TEX30: variants seen among roughly 807,000 people sequenced by gnomAD.
TEX30 encodes testis-expressed protein 30.
In TEX30, 14 loss-of-function variants were observed where a neutral mutation model predicts 23.8. The observed-to-expected ratio is 0.59, with a 90% CI of 0.39 to 0.92. The LOEUF (loss-of-function observed/expected upper bound fraction) is 0.92. TEX30 is among the 40% of genes least tolerant of loss of function. The probability of loss-of-function intolerance (pLI) is 0.00; values close to 1 mark genes in which losing one functional copy is unlikely to be tolerated. For synonymous variants in TEX30, 78 were observed against 90.2 expected (o/e 0.87, Z 0.76); for missense variants, 246 against 270.6 (o/e 0.91, Z 0.64).
intron 5 of TEX30, 58 bp from the exon 6 acceptor site, chr13:102,766,638 T>C (rs761987530): frequency 5.8e-5 from 88 of 1,510,676 alleles, no homozygotes; most frequent in Non-Finnish European, 7.8e-5. Flanking sequence ...TAATAAAAGG[T>C]CCTCTCTCCC....
At position 102,769,924 on chromosome 13, in the gene TEX30, T is replaced by C. The variant is rs562316648; in HGVS notation, c.15+88A>G. 1.7e-5 allele frequency: 20 copies of C among 1,191,438 alleles called. No individual in the cohort carries two copies. In the African/African-American group the frequency reaches 1.9e-4, roughly 11 times the overall value. 73.8% of individuals were successfully genotyped at this position (1,191,438 alleles called of 1,614,324 possible). A position where few individuals can be genotyped will look rare whatever the true frequency, so the allele number is the denominator to read the frequency against. The stretch of plus-strand genomic sequence containing the variant: ...GCTATACTGCCTCCCACAGTGAAAG[T>C]TGAAAATAAAATTACTCTGAAGCCA... On this transcript the variant is annotated intron_variant, in intron 2 of 5. Transcript: ENST00000376032.
At chr13:102,773,491 G>A (rs979222446) in intron 1 of TEX30, 191 bp downstream of exon 1, 1 of 152,192 alleles carries the variant, frequency 6.6e-6, no homozygotes, top group Admixed American at 6.5e-5. Flanking sequence ...CCGGCAAAGC[G>A]GACGAAGCCC....
At chr13:102,773,526 C>G (rs1157246214) in intron 1 of TEX30, 156 bp downstream of exon 1, 2 of 152,120 alleles carry the variant, frequency 1.3e-5, no homozygotes, top group Non-Finnish European at 2.9e-5. Context: ...CCGCGGGCAC[C>G]GAACTTAGCG....
chr13:102,771,948 T>C (rs1179949835), intron 1 of TEX30, among the ~76,000 whole-genome samples: 2 of 152,200 alleles, frequency 1.3e-5, no homozygotes, highest in African/African-American at 4.8e-5. Context: ...GATTCTGTGG[T>C]TAATACAGGG....
chr13:102,767,342 A>T lies in TEX30; in HGVS notation c.435T>A (p.Asp145Glu). ...HHPKQQHKLR[D>E]EDLFRLKEPV... The stretch of plus-strand genomic sequence containing the variant: ...GCTCTTTTAAACGAAAGAGGTCTTC[A>T]TCTCTGAGTTTATGCTGCTGCTTTG... Residue 145 changes from aspartate to glutamate, a missense_variant, in exon 5 of 6, where the codon GAT becomes GAA. Transcript: ENST00000376032. 1 of 1,614,136 alleles carries T rather than the reference A, an allele frequency of 6.2e-7. No individual in the cohort carries two copies. The highest frequency in any genetic ancestry group is 8.5e-7 in the Non-Finnish European group (1 of 1,180,022).
intron 5 of TEX30, 97 bp downstream of exon 5, chr13:102,767,176 A>T (rs1033441588): frequency 2.3e-6 from 3 of 1,283,278 alleles, no homozygotes; most frequent in Non-Finnish European, 3.2e-6. Flanking sequence ...TCAAATTAGC[A>T]ATTTTTAAAA....
At chr13:102,770,163 A>G in intron 1 of TEX30, 77 bp from the exon 2 acceptor site, 1 of 469,332 alleles carries the variant, frequency 2.1e-6, no homozygotes, top group Non-Finnish European at 3.5e-6. Context: ...GAACACATTC[A>G]GTAGCTAAAA....
At position 102,766,364 on chromosome 13, in the gene TEX30, T is replaced by G; in HGVS notation, c.*37A>C. 6.5e-7 allele frequency: 1 copy of G among 1,543,540 alleles called. No individual in the cohort carries two copies. Among genetic ancestry groups the G allele is most frequent in the Non-Finnish European group, 8.9e-7 (1 of 1,127,100 alleles). ...GAGAGGCATACTCTTCTTTATCAAA[T>G]TAACTGTATGTGTACTCAAGATAAC... On this transcript the variant is annotated 3_prime_UTR_variant, in exon 6 of 6. Coordinates refer to ENST00000376032, the MANE Select transcript of TEX30 (RefSeq NM_138779.5).
rs1876851570 is a variant in TEX30 at position 102,766,137 on chromosome 13, T to C, written c.*264A>G. On this transcript the variant is annotated 3_prime_UTR_variant, in exon 6 of 6. Coordinates refer to ENST00000376032, the MANE Select transcript of TEX30 (RefSeq NM_138779.5). Reference sequence around the variant, plus strand: ...TTTGTAACAAAATTCAGATGTTTAATTTTTTTCAAAACTTAACTATACTAA... The same window carrying C: ...TTTGTAACAAAATTCAGATGTTTAACTTTTTTCAAAACTTAACTATACTAA... 1 of 227,014 alleles carries C rather than the reference T, an allele frequency of 4.4e-6. No homozygotes were observed. The highest frequency in any genetic ancestry group is 8.5e-6 in the Non-Finnish European group (1 of 118,000). 14.1% of individuals were successfully genotyped at this position (227,014 alleles called of 1,614,324 possible).
intron 1 of TEX30, among the ~76,000 whole-genome samples, chr13:102,771,784 G>A (rs1401487586): frequency 6.6e-6 from 1 of 152,202 alleles, no homozygotes; most frequent in Non-Finnish European, 1.5e-5. Context: ...CACCCAACAG[G>A]TGAAATGGGG....
chr13:102,772,701 G>A lies in TEX30; in HGVS notation c.-61+981C>T, dbSNP rs1241231897. ...AGAGATTCTCCAGCCTCAGCCTCCC[G>A]AGTAGCTGAGATTACAGGCGTCCGC... On this transcript the variant is annotated intron_variant, in intron 1 of 5. Transcript: ENST00000376032. Among the ~76,000 whole-genome samples, 6 of 152,256 alleles carry A rather than the reference G, an allele frequency of 3.9e-5. No homozygotes were observed. In the South Asian group the frequency reaches 6.2e-4, roughly 16 times the overall value.
rs1454592058 is a variant in TEX30 at position 102,766,215 on chromosome 13, C to A, written c.*186G>T. 2.3e-6 allele frequency: 1 copy of A among 431,042 alleles called. No homozygotes were observed. The highest frequency in any genetic ancestry group is 4.0e-6 in the Non-Finnish European group (1 of 248,362). The allele number at this position is 431,042 out of a possible 1,614,324, so 26.7% of individuals were successfully genotyped here. Reference sequence around the variant, plus strand: ...TCAATATTTTTACATCATCTTTATACAACTGTAACAGTGCTTTCAAAAGAC... The same window carrying A: ...TCAATATTTTTACATCATCTTTATAAAACTGTAACAGTGCTTTCAAAAGAC... On this transcript the variant is annotated 3_prime_UTR_variant, in exon 6 of 6. Coordinates refer to ENST00000376032, the MANE Select transcript of TEX30 (RefSeq NM_138779.5).
At position 102,766,363 on chromosome 13, in the gene TEX30, A is replaced by G. The variant is rs1256093559; in HGVS notation, c.*38T>C. On this transcript the variant is annotated 3_prime_UTR_variant, in exon 6 of 6. Coordinates refer to ENST00000376032, the MANE Select transcript of TEX30 (RefSeq NM_138779.5). Reference sequence around the variant, plus strand: ...TGAGAGGCATACTCTTCTTTATCAAATTAACTGTATGTGTACTCAAGATAA... The same window carrying G: ...TGAGAGGCATACTCTTCTTTATCAAGTTAACTGTATGTGTACTCAAGATAA... 1 of 1,548,172 alleles carries G rather than the reference A, an allele frequency of 6.5e-7. No individual in the cohort carries two copies. The highest frequency in any genetic ancestry group is 8.8e-7 in the Non-Finnish European group (1 of 1,131,710).
At chr13:102,766,710 G>A (rs1876912441) in intron 5 of TEX30, 130 bp from the exon 6 acceptor site, 1 of 774,670 alleles carries the variant, frequency 1.3e-6, no homozygotes, top group African/African-American at 1.8e-5. Flanking sequence ...AACTTTCTAG[G>A]TAATAGAATG....
intron 1 of TEX30, among the ~76,000 whole-genome samples, chr13:102,772,554 C>T (rs1438903177): frequency 1.3e-5 from 2 of 152,116 alleles, no homozygotes; most frequent in South Asian, 2.1e-4. Context: ...TAATGCAATC[C>T]CCAAGCAACC....
chr13:102,772,733 G>A (rs1344558687), intron 1 of TEX30, among the ~76,000 whole-genome samples: 5 of 152,120 alleles, frequency 3.3e-5, no homozygotes, highest in African/African-American at 1.2e-4. Context: ...CCGCCACCGC[G>A]CCCAGCTAAT....
chr13:102,771,080 C>T (rs1387907625), intron 1 of TEX30, among the ~76,000 whole-genome samples: 4 of 152,110 alleles, frequency 2.6e-5, no homozygotes, highest in African/African-American at 9.7e-5. Flanking sequence ...CATCAGATTC[C>T]CCTCTCCAAA....
At chr13:102,773,463 C>T (rs2139059086) in intron 1 of TEX30, 1 of 152,300 alleles carries the variant, frequency 6.6e-6, no homozygotes, top group East Asian at 2.0e-4. Context: ...GTACCAACCC[C>T]ACATTCCGCC....
chr13:102,766,690 T>C (rs548343314), intron 5 of TEX30, 110 bp from the exon 6 acceptor site: 1 of 1,022,530 alleles, frequency 9.8e-7, no homozygotes, highest in South Asian at 2.1e-5. Context: ...CATTAAATGC[T>C]TTCTCAGACA....
Sources: gnomAD v4.1 joint callset for allele counts (sites outside exome capture counted in the v4.1 genomes callset) on GRCh38, gnomAD v4.1.1 for gene constraint, MANE v1.5 for transcripts, NCBI Gene and HGNC (gene_info 2026-07-23, HGNC 2026-07-21) for gene names.